The following NELL1 variants were observed in gnomAD, a reference collection of about 807,000 sequenced individuals.
NELL1 encodes the protein neural EGFL like 1, also known as protein kinase C-binding protein NELL1.
NELL1 carries 76 observed loss-of-function variants against 107.4 expected under a neutral mutation model. The observed-to-expected ratio is 0.71, with a 90% CI of 0.59 to 0.86. The LOEUF is 0.86. NELL1 is among the 40% of genes least tolerant of loss of function. The pLI is 0.00. For missense variants in NELL1, 1,024 were observed against 1,005.5 expected, an observed-to-expected ratio of 1.02 and a Z score of -0.25; for synonymous variants, 353 against 341.2, an observed-to-expected ratio of 1.03 and a Z score of -0.38.
Position 21,291,878 on chromosome 11 carries a change from C to G in NELL1, c.1549+62424C>G, listed in dbSNP as rs184882049. On this transcript the variant is annotated intron_variant, in intron 14 of 19. Coordinates refer to ENST00000357134, the MANE Select transcript of NELL1 (RefSeq NM_006157.5). ...AAGGCCTTTGACAAAACTCAACACC[C>G]CTTCATGCTAAAAACTCTCAATAAA... Among the ~76,000 whole-genome samples, 20 of 152,252 alleles carry G rather than the reference C, an allele frequency of 1.3e-4. No homozygotes were observed. The East Asian group carries it at 1.5e-3, about 12-fold the overall frequency.
At chr11:21,501,550 A>G (rs1255130206) in intron 15 of NELL1, among the ~76,000 whole-genome samples, 1 of 152,214 alleles carries the variant, frequency 6.6e-6, no homozygotes, top group African/African-American at 2.4e-5. Flanking sequence ...TATTTGAGTC[A>G]TCAACAATGA....
chr11:21,559,415 G>C (rs572756032), intron 16 of NELL1, among the ~76,000 whole-genome samples: 1 of 152,222 alleles, frequency 6.6e-6, no homozygotes, highest in Admixed American at 6.5e-5. Context: ...ACAGGTTTGT[G>C]TTTGAGATGT....
intron 12 of NELL1, among the ~76,000 whole-genome samples, chr11:21,046,082 G>A (rs1366962347): frequency 6.6e-6 from 1 of 152,104 alleles, no homozygotes; most frequent in Non-Finnish European, 1.5e-5. Context: ...ACTCTTTTGT[G>A]AGTATTAATG....
At chr11:20,941,500 A>G (rs906924756) in intron 10 of NELL1, among the ~76,000 whole-genome samples, 2 of 152,140 alleles carry the variant, frequency 1.3e-5, no homozygotes, top group African/African-American at 4.8e-5. Context: ...GTTGGAGAAC[A>G]TAACTTGAGA....
intron 3 of NELL1, among the ~76,000 whole-genome samples, chr11:20,819,461 A>G (rs1249776166): frequency 6.6e-6 from 1 of 152,216 alleles, no homozygotes; most frequent in Non-Finnish European, 1.5e-5. Flanking sequence ...TCCAGTGCCC[A>G]CTTGGGCCTG....
At chr11:21,418,354 G>A (rs1852571179) in intron 15 of NELL1, among the ~76,000 whole-genome samples, 1 of 152,036 alleles carries the variant, frequency 6.6e-6, no homozygotes, top group African/African-American at 2.4e-5. Flanking sequence ...ATGGCTATAT[G>A]ATCTTGGTCA....
chr11:20,766,322 G>T (rs1208442254), intron 2 of NELL1, among the ~76,000 whole-genome samples: 1 of 152,216 alleles, frequency 6.6e-6, no homozygotes, highest in Non-Finnish European at 1.5e-5. Context: ...AGCAGGGAGT[G>T]CAACCAGATA....
chr11:20,685,746 A>G (rs870195), intron 2 of NELL1, among the ~76,000 whole-genome samples: 32,010 of 152,054 alleles, frequency 0.21, 3,711 homozygotes, highest in African/African-American at 0.28. Flanking sequence ...CATGTGTATC[A>G]TCTGCCTTAT....
At chr11:20,996,578 A>G (rs1490917965) in intron 12 of NELL1, among the ~76,000 whole-genome samples, 1 of 152,150 alleles carries the variant, frequency 6.6e-6, no homozygotes, top group Non-Finnish European at 1.5e-5. Context: ...CAGCAGCTGG[A>G]TACTCAGTAA....
chr11:21,483,990 C>CATATATATATATATATATATAT (rs781565679), intron 15 of NELL1, among the ~76,000 whole-genome samples: 1 of 88,400 alleles, frequency 1.1e-5, no homozygotes, highest in Non-Finnish European at 2.2e-5. Flanking sequence ...TTTTACTTAA[C>CATATATATATATATATATATAT]ATATATATAT....
At chr11:21,352,400 GA>G (rs1398740113) in intron 14 of NELL1, among the ~76,000 whole-genome samples, 1 of 152,078 alleles carries the variant, frequency 6.6e-6, no homozygotes, top group Non-Finnish European at 1.5e-5. Flanking sequence ...TATTTTGATT[GA>G]TAGTTTTTGA....
intron 12 of NELL1, among the ~76,000 whole-genome samples, chr11:21,029,695 C>A (rs1852905229): frequency 6.6e-6 from 1 of 151,814 alleles, no homozygotes; most frequent in Admixed American, 6.6e-5. Flanking sequence ...GTTCATAGTC[C>A]CAAGTACAAG....
chr11:21,192,760 A>G (rs1195455999), intron 13 of NELL1, among the ~76,000 whole-genome samples: 1 of 151,814 alleles, frequency 6.6e-6, no homozygotes, highest in African/African-American at 2.4e-5. Context: ...CAGAATGCTA[A>G]AGGAAGGAAT....
At chr11:21,095,623 T>G (rs1400256452) in intron 12 of NELL1, among the ~76,000 whole-genome samples, 1 of 152,152 alleles carries the variant, frequency 6.6e-6, no homozygotes. Flanking sequence ...TTTTCTTTTT[T>G]TTTCAAGACA....
At chr11:20,700,953 G>C (rs1854765590) in intron 2 of NELL1, among the ~76,000 whole-genome samples, 3 of 152,116 alleles carry the variant, frequency 2.0e-5, no homozygotes, top group Non-Finnish European at 2.9e-5. Context: ...ATTGTGAATA[G>C]TGCCACAATA....
intron 14 of NELL1, among the ~76,000 whole-genome samples, chr11:21,294,704 A>G (rs546577946): frequency 6.6e-6 from 1 of 152,180 alleles, no homozygotes; most frequent in Admixed American, 6.5e-5. Flanking sequence ...TCACACAACT[A>G]ACAGGAGTTG....
At chr11:21,524,365 AT>A (rs1312963704) in intron 15 of NELL1, among the ~76,000 whole-genome samples, 1 of 152,194 alleles carries the variant, frequency 6.6e-6, no homozygotes, top group African/African-American at 2.4e-5. Context: ...AAGTTCAAAA[AT>A]TCTTCCTATT....
At chr11:21,534,336 T>C (rs747390751) in intron 15 of NELL1, 38 bp from the exon 16 acceptor site, 1 of 1,612,602 alleles carries the variant, frequency 6.2e-7, no homozygotes, top group Non-Finnish European at 8.5e-7. Flanking sequence ...TCAAAAGAAA[T>C]TAATATCCTG....
intron 5 of NELL1, among the ~76,000 whole-genome samples, chr11:20,909,326 A>T (rs1478331841): frequency 2.6e-5 from 4 of 152,168 alleles, no homozygotes; most frequent in East Asian, 3.8e-4. Flanking sequence ...GGAAAATTTT[A>T]AAAAAACAAA....
Sources: allele counts gnomAD v4.1 joint callset (sites outside exome capture counted in the v4.1 genomes callset), GRCh38; gene constraint gnomAD v4.1.1; transcripts MANE v1.5; gene names NCBI Gene and HGNC (gene_info 2026-07-23, HGNC 2026-07-21).